Variants in GUCY1A2 observed in about 807,000 individuals in gnomAD.
The protein encoded by GUCY1A2 is guanylate cyclase 1 soluble subunit alpha 2, also known as guanylate cyclase soluble subunit alpha-2.
Under a neutral mutation model 63.5 loss-of-function variants are expected in GUCY1A2, and 27 were observed. The ratio of observed to expected loss-of-function variants is 0.43; its 90% confidence interval spans 0.31 to 0.59. The LOEUF (loss-of-function observed/expected upper bound fraction) is 0.59, where lower values mean the gene tolerates loss of function less well. GUCY1A2 is among the 20% of genes least tolerant of loss of function. The pLI is 0.11. For missense variants in GUCY1A2, 768 were observed against 913.3 expected (o/e 0.84, Z 2.05); for synonymous variants, 364 against 343.5 (o/e 1.06, Z -0.66).
chr11:107,005,016 G>A (rs929391537), intron 1 of GUCY1A2, among the ~76,000 whole-genome samples: 1 of 152,180 alleles, frequency 6.6e-6, no homozygotes, highest in African/African-American at 2.4e-5. Context: ...CATTAATATT[G>A]TGAGTATTTA....
At chr11:107,013,999 T>C (rs1439914161) in intron 1 of GUCY1A2, among the ~76,000 whole-genome samples, 1 of 151,360 alleles carries the variant, frequency 6.6e-6, no homozygotes, top group East Asian at 1.9e-4. Flanking sequence ...GTGGATTAAA[T>C]AGCATTTTGG....
intron 4 of GUCY1A2, among the ~76,000 whole-genome samples, chr11:106,840,171 C>T (rs1368815113): frequency 1.3e-5 from 2 of 151,752 alleles, no homozygotes; most frequent in Admixed American, 1.3e-4. Context: ...CTCATCTGTG[C>T]CAAAAATGAT....
chr11:106,690,635 A>G (rs1303377260), intron 7 of GUCY1A2, among the ~76,000 whole-genome samples: 2 of 152,192 alleles, frequency 1.3e-5, no homozygotes, highest in African/African-American at 4.8e-5. Context: ...CATGACACTC[A>G]TTTACAAATG....
rs114564002 is a variant in GUCY1A2 at position 106,919,228 on chromosome 11, T to C, written c.1206+20232A>G. On this transcript the variant is annotated intron_variant, in intron 4 of 7. Coordinates refer to ENST00000526355, the MANE Select transcript of GUCY1A2 (RefSeq NM_000855.3). ...CATGAAGAAACATAAGAATATATAA[T>C]CACAAATTGGCATACGTTGGTCAAA... Among the ~76,000 whole-genome samples the C allele has an allele frequency of 9.3e-3, 1,409 of 152,214 alleles. 17 individuals carry two copies. Among genetic ancestry groups the C allele is most frequent in the African/African-American group, 0.032 (1,310 of 41,540 alleles).
intron 5 of GUCY1A2, among the ~76,000 whole-genome samples, chr11:106,803,644 G>A (rs1858640949): frequency 6.6e-6 from 1 of 152,052 alleles, no homozygotes; most frequent in African/African-American, 2.4e-5. Context: ...ACTGTTTTAA[G>A]CACTTTACAT....
chr11:106,961,884 A>G (rs1861062628), intron 3 of GUCY1A2, among the ~76,000 whole-genome samples: 1 of 152,216 alleles, frequency 6.6e-6, no homozygotes, highest in Non-Finnish European at 1.5e-5. Context: ...CCTTGTTCTA[A>G]GTAGAAATCT....
chr11:106,691,550 G>A (rs985254050), intron 7 of GUCY1A2, among the ~76,000 whole-genome samples: 1 of 152,124 alleles, frequency 6.6e-6, no homozygotes, highest in African/African-American at 2.4e-5. Flanking sequence ...ACAAAAATGG[G>A]GTTAGATCTA....
chr11:106,860,541 T>A (rs572181930), intron 4 of GUCY1A2, among the ~76,000 whole-genome samples: 1 of 152,090 alleles, frequency 6.6e-6, no homozygotes, highest in Admixed American at 6.6e-5. Flanking sequence ...TTTTACCATA[T>A]TGTATCTAAT....
chr11:106,873,999 T>C (rs1859715592), intron 4 of GUCY1A2, among the ~76,000 whole-genome samples: 3 of 152,192 alleles, frequency 2.0e-5, no homozygotes, highest in South Asian at 4.1e-4. Context: ...ATGTTAGAGC[T>C]TTCTGGAACC....
chr11:106,830,287 T>C (rs775073807), intron 4 of GUCY1A2, among the ~76,000 whole-genome samples: 1 of 152,212 alleles, frequency 6.6e-6, no homozygotes, highest in African/African-American at 2.4e-5. Context: ...ATGAACTTAT[T>C]GTCTTTATTT....
intron 4 of GUCY1A2, among the ~76,000 whole-genome samples, chr11:106,883,265 T>A (rs566736574): frequency 6.6e-6 from 1 of 152,162 alleles, no homozygotes; most frequent in South Asian, 2.1e-4. Flanking sequence ...TTTTCATCTA[T>A]GCTTTGATGC....
At chr11:106,830,787 G>A (rs901946542) in intron 4 of GUCY1A2, among the ~76,000 whole-genome samples, 10 of 152,042 alleles carry the variant, frequency 6.6e-5, no homozygotes, top group Non-Finnish European at 1.0e-4. Context: ...ACCCTCTAGA[G>A]AGCCCTGACT....
rs1862530658 is a variant in GUCY1A2, at chr11:106,686,614, A to G, written c.*935T>C. On this transcript the variant is annotated 3_prime_UTR_variant, in exon 8 of 8. Coordinates refer to ENST00000526355, the MANE Select transcript of GUCY1A2 (RefSeq NM_000855.3). Reference sequence around the variant, plus strand: ...AATGCTGTTTATTAGAATGCAGTTTAGTGTTGCAAAAGCTACCTATATTTG... The same window carrying G: ...AATGCTGTTTATTAGAATGCAGTTTGGTGTTGCAAAAGCTACCTATATTTG... 2 of 217,042 alleles carry G rather than the reference A, an allele frequency of 9.2e-6. No individual in the cohort carries two copies. The highest frequency in any genetic ancestry group is 4.5e-5 in the African/African-American group (2 of 44,490). The allele number at this position is 217,042 out of a possible 1,614,324, so 13.4% of individuals were successfully genotyped here.
At chr11:106,892,306 C>T (rs1001944220) in intron 4 of GUCY1A2, among the ~76,000 whole-genome samples, 3 of 152,038 alleles carry the variant, frequency 2.0e-5, no homozygotes, top group Admixed American at 6.6e-5. Flanking sequence ...TTCCCTTTGA[C>T]CAATGCTATC....
chr11:106,852,294 T>C (rs1240220508), intron 4 of GUCY1A2, among the ~76,000 whole-genome samples: 1 of 152,104 alleles, frequency 6.6e-6, no homozygotes, highest in Non-Finnish European at 1.5e-5. Flanking sequence ...CCAATTTTCA[T>C]ACCTTATATT....
intron 4 of GUCY1A2, among the ~76,000 whole-genome samples, chr11:106,871,521 G>A (rs900806266): frequency 6.6e-6 from 1 of 151,982 alleles, no homozygotes; most frequent in African/African-American, 2.4e-5. Context: ...TCCCATCTCT[G>A]CCACCATGGT....
chr11:106,765,495 T>C (rs1270379674), intron 6 of GUCY1A2, among the ~76,000 whole-genome samples: 2 of 152,140 alleles, frequency 1.3e-5, no homozygotes, highest in East Asian at 3.9e-4. Context: ...ACATTTCTAA[T>C]ACCTAACCAA....
At chr11:106,847,984 C>G (rs1262340580) in intron 4 of GUCY1A2, among the ~76,000 whole-genome samples, 2 of 151,350 alleles carry the variant, frequency 1.3e-5, no homozygotes, top group Non-Finnish European at 3.0e-5. Context: ...TGCAAAACAC[C>G]ATGACCAAAT....
intron 3 of GUCY1A2, among the ~76,000 whole-genome samples, chr11:106,971,700 TATGA>T (rs1861196815): frequency 6.6e-6 from 1 of 152,084 alleles, no homozygotes; most frequent in Admixed American, 6.6e-5. Flanking sequence ...GGCATATATA[TATGA>T]GTTAGTCTAC....
Sources: gnomAD v4.1 joint callset for allele counts (sites outside exome capture counted in the v4.1 genomes callset) on GRCh38, gnomAD v4.1.1 for gene constraint, MANE v1.5 for transcripts, NCBI Gene and HGNC (gene_info 2026-07-23, HGNC 2026-07-21) for gene names.